Variants in RAB11FIP4 observed in about 807,000 individuals in gnomAD.
RAB11FIP4 encodes the protein rab11 family-interacting protein 4.
A neutral mutation model predicts 74.3 loss-of-function variants in RAB11FIP4; 23 were observed. The observed-to-expected ratio is 0.31, with a 90% CI of 0.22 to 0.44. RAB11FIP4 has a LOEUF of 0.44. Among genes scored for constraint, RAB11FIP4 ranks in the 20% least tolerant of loss-of-function variants. The probability of loss-of-function intolerance (pLI) is 1.00; values close to 1 mark genes in which losing one functional copy is unlikely to be tolerated. For missense variants in RAB11FIP4, 630 were observed against 863.9 expected (o/e 0.73, Z 3.39); for synonymous variants, 360 against 359.9 (o/e 1.00, Z 0.00).
chr17:31,456,597 A>G (rs2071581120), intron 3 of RAB11FIP4, among the ~76,000 whole-genome samples: 1 of 152,240 alleles, frequency 6.6e-6, no homozygotes, highest in Admixed American at 6.6e-5. Flanking sequence ...GAGTTACAGC[A>G]TAACTATCCC....
intron 3 of RAB11FIP4, among the ~76,000 whole-genome samples, chr17:31,490,903 G>A (rs1431209108): frequency 6.6e-6 from 1 of 152,206 alleles, no homozygotes; most frequent in South Asian, 2.1e-4. Flanking sequence ...TTAGCAGTGG[G>A]GCACAGTGCC....
chr17:31,434,611 T>A (rs1234616576), intron 3 of RAB11FIP4, among the ~76,000 whole-genome samples: 1 of 151,986 alleles, frequency 6.6e-6, no homozygotes, highest in Non-Finnish European at 1.5e-5. Flanking sequence ...CTGCCCCACC[T>A]CCCACGCCAG....
intron 3 of RAB11FIP4, among the ~76,000 whole-genome samples, chr17:31,493,248 A>T (rs771084313): frequency 6.6e-6 from 1 of 152,236 alleles, no homozygotes; most frequent in Non-Finnish European, 1.5e-5. Context: ...AATTCAGATG[A>T]AAACAAAGCT....
At chr17:31,432,544 G>C (rs1199240652) in intron 2 of RAB11FIP4, among the ~76,000 whole-genome samples, 1 of 152,040 alleles carries the variant, frequency 6.6e-6, no homozygotes, top group Non-Finnish European at 1.5e-5. Context: ...ATTTTAAGTA[G>C]AGATGGAGTT....
intron 3 of RAB11FIP4, among the ~76,000 whole-genome samples, chr17:31,489,836 G>A (rs535166423): frequency 5.9e-5 from 9 of 152,096 alleles, no homozygotes; most frequent in African/African-American, 1.9e-4. Flanking sequence ...GAATTTGAAG[G>A]GGGGGCCTGG....
At chr17:31,416,495 T>C (rs912459788) in intron 1 of RAB11FIP4, among the ~76,000 whole-genome samples, 1 of 152,154 alleles carries the variant, frequency 6.6e-6, no homozygotes, top group Non-Finnish European at 1.5e-5. Flanking sequence ...TCAGAATTAA[T>C]GGAGAGGGCC....
chr17:31,422,917 C>CTTTT (rs35668224), intron 1 of RAB11FIP4, among the ~76,000 whole-genome samples: 4 of 126,442 alleles, frequency 3.2e-5, no homozygotes, highest in Non-Finnish European at 5.0e-5. Context: ...TATTGATTGC[C>CTTTT]TTTTTTTTTT....
rs763012216 is a variant in RAB11FIP4, at chr17:31,531,637, C to G, written c.1819C>G (p.Gln607Glu). The G allele has an allele frequency of 1.9e-6, 3 of 1,613,486 alleles. No homozygotes were observed. The highest frequency in any genetic ancestry group is 2.5e-6 in the Non-Finnish European group (3 of 1,179,432). ...TCAGCTAATGGAAGCCCTGAAGGAG[C>G]AGGAGGAGATCAACTTCCGGCTGAG... ...RDELMEALKE[Q>E]EEINFRLRQY... The change falls in exon 15 of 15, where the codon CAG (glutamine) becomes GAG (glutamate). Residue 607 changes from glutamine to glutamate, a missense_variant. Coordinates refer to ENST00000621161, the MANE Select transcript of RAB11FIP4 (RefSeq NM_032932.6).
At chr17:31,465,677 C>T (rs2071677957) in intron 3 of RAB11FIP4, 1 of 152,046 alleles carries the variant, frequency 6.6e-6, no homozygotes, top group Non-Finnish European at 1.5e-5. Flanking sequence ...ATGGTGACCT[C>T]CTGGGAGCAG....
In RAB11FIP4 at chr17:31,517,889, C is replaced by T. The variant is rs753449492; in HGVS notation, c.563+12C>T. Reference sequence around the variant, plus strand: ...CTGCCAGAAGACAAGTGAGTTAAAACCACCTGAAGCTCCATATTTGCCCTC... The same window carrying T: ...CTGCCAGAAGACAAGTGAGTTAAAATCACCTGAAGCTCCATATTTGCCCTC... On this transcript the variant is annotated intron_variant, in intron 4 of 14. Coordinates refer to ENST00000621161, the MANE Select transcript of RAB11FIP4 (RefSeq NM_032932.6). 2 of 1,544,150 alleles carry T rather than the reference C, an allele frequency of 1.3e-6. No individual in the cohort carries two copies. Among genetic ancestry groups the T allele is most frequent in the South Asian group, 1.2e-5 (1 of 83,880 alleles).
At chr17:31,511,787 G>A (rs909204863) in intron 3 of RAB11FIP4, among the ~76,000 whole-genome samples, 6 of 152,236 alleles carry the variant, frequency 3.9e-5, no homozygotes, top group African/African-American at 1.4e-4. Context: ...CGGCCCCCAC[G>A]TGTATTGATA....
intron 3 of RAB11FIP4, among the ~76,000 whole-genome samples, chr17:31,442,251 G>C (rs1307924408): frequency 6.6e-6 from 1 of 151,966 alleles, no homozygotes; most frequent in South Asian, 2.1e-4. Context: ...CACCTGCCTC[G>C]GCCTCCCAAA....
chr17:31,494,901 G>A (rs1204662265), intron 3 of RAB11FIP4, among the ~76,000 whole-genome samples: 1 of 152,242 alleles, frequency 6.6e-6, no homozygotes, highest in Non-Finnish European at 1.5e-5. Flanking sequence ...CGAGGTAACA[G>A]ACTTCTCCCC....
At chr17:31,497,526 C>T (rs1488326471) in intron 3 of RAB11FIP4, among the ~76,000 whole-genome samples, 10 of 152,058 alleles carry the variant, frequency 6.6e-5, no homozygotes, top group Non-Finnish European at 1.5e-4. Context: ...TCAGGGGCCC[C>T]GTCCTTCAGG....
rs1234903475 is a variant in RAB11FIP4, at chr17:31,522,409, C to T, written c.929+14C>T. ...GGCCTTTGGACGGTAAGGCCCGCCT[C>T]GAGGGAGGGCAAATTGAGTGCTGTC... On this transcript the variant is annotated intron_variant, in intron 7 of 14. Transcript: ENST00000621161. 28 of 1,612,842 alleles carry T rather than the reference C, an allele frequency of 1.7e-5. 1 individual carries two copies. The highest frequency in any genetic ancestry group is 6.6e-5 in the South Asian group (6 of 90,998).
rs754950449 is a variant in RAB11FIP4, at chr17:31,530,310, G to A, written c.1654-16G>A. On this transcript the variant is annotated splice_polypyrimidine_tract_variant and intron_variant, in intron 13 of 14. Coordinates refer to ENST00000621161, the MANE Select transcript of RAB11FIP4 (RefSeq NM_032932.6). ...GCCTCTTGGGGTTGATGTCGCCTTC[G>A]TCCTTCTCTCTGTAGGAGAATTATA... 6.2e-6 allele frequency: 10 copies of A among 1,612,836 alleles called. No individual in the cohort carries two copies. The highest frequency in any genetic ancestry group is 3.3e-5 in the South Asian group (3 of 91,070).
intron 3 of RAB11FIP4, among the ~76,000 whole-genome samples, chr17:31,473,736 T>A (rs552772203): frequency 6.6e-6 from 1 of 152,224 alleles, no homozygotes; most frequent in Non-Finnish European, 1.5e-5. Context: ...TGCATGGAGG[T>A]TGGTGCGATT....
At chr17:31,430,647 C>G (rs1165059237) in intron 1 of RAB11FIP4, among the ~76,000 whole-genome samples, 1 of 152,034 alleles carries the variant, frequency 6.6e-6, no homozygotes, top group Non-Finnish European at 1.5e-5. Flanking sequence ...GTGTGAGCCA[C>G]CGCGCCCGCC....
rs536220860 is a variant in RAB11FIP4, at chr17:31,522,095, GCAGGGCCTGGA to G, written c.893+47_893+57del. On this transcript the variant is annotated intron_variant, in intron 6 of 14. Coordinates refer to ENST00000621161, the MANE Select transcript of RAB11FIP4 (RefSeq NM_032932.6). ...GGGGGTGAGAGGCCGGGGGGCCAGG[GCAGGGCCTGGA>G]GGGAGAAGCTACGGGCATGGCGAGG... 1.6e-3 allele frequency: 2,570 copies of G among 1,611,710 alleles called. 6 individuals are homozygous for G. Among genetic ancestry groups the G allele is most frequent in the Non-Finnish European group, 2.0e-3 (2,311 of 1,178,698 alleles).
Sources: allele counts gnomAD v4.1 joint callset (sites outside exome capture counted in the v4.1 genomes callset), GRCh38; gene constraint gnomAD v4.1.1; transcripts MANE v1.5; gene names NCBI Gene and HGNC (gene_info 2026-07-23, HGNC 2026-07-21).